ARHGAP44: variants seen among roughly 807,000 people sequenced by gnomAD.
ARHGAP44 encodes the protein Rho GTPase activating protein 44, also known as rho GTPase-activating protein 44.
ARHGAP44 carries 43 observed loss-of-function variants against 106.8 expected under a neutral mutation model. The ratio of observed to expected loss-of-function variants is 0.40; its 90% CI spans 0.32 to 0.52. The LOEUF (loss-of-function observed/expected upper bound fraction) is 0.52. ARHGAP44 is among the 20% of genes least tolerant of loss of function. ARHGAP44 has a pLI of 0.48. For synonymous variants in ARHGAP44, 439 were observed against 410.3 expected (o/e 1.07, Z -0.85); for missense variants, 866 against 1,050.5 (o/e 0.82, Z 2.43).
chr17:12,819,083 C>T (rs1330171233), intron 1 of ARHGAP44, among the ~76,000 whole-genome samples: 1 of 152,044 alleles, frequency 6.6e-6, no homozygotes, highest in Non-Finnish European at 1.5e-5. Flanking sequence ...TTAGATCCAA[C>T]TCAGCAGACT....
chr17:12,871,221 CA>C (rs1288331037), intron 1 of ARHGAP44, among the ~76,000 whole-genome samples: 2 of 152,144 alleles, frequency 1.3e-5, no homozygotes, highest in Non-Finnish European at 2.9e-5. Flanking sequence ...GTGTCCCCAT[CA>C]ACTCTCACGT....
chr17:12,979,978 C>G, intron 18 of ARHGAP44, 80 bp from the exon 19 acceptor site: 1 of 1,422,620 alleles, frequency 7.0e-7, no homozygotes, highest in South Asian at 1.4e-5. Context: ...GAAGGACACA[C>G]AGGGTGGCCA....
chr17:12,951,314 T>C (rs2038987214), intron 12 of ARHGAP44, among the ~76,000 whole-genome samples: 1 of 152,182 alleles, frequency 6.6e-6, no homozygotes, highest in Non-Finnish European at 1.5e-5. Flanking sequence ...ATTGAACAGG[T>C]ATGTAACTAC....
chr17:12,817,829 G>A (rs1424084467), intron 1 of ARHGAP44, among the ~76,000 whole-genome samples: 2 of 152,018 alleles, frequency 1.3e-5, no homozygotes, highest in South Asian at 2.1e-4. Flanking sequence ...AAGAAATAAT[G>A]TATCTTGAAA....
intron 1 of ARHGAP44, among the ~76,000 whole-genome samples, chr17:12,831,295 G>T (rs1301499708): frequency 6.6e-6 from 1 of 152,176 alleles, no homozygotes; most frequent in African/African-American, 2.4e-5. Context: ...CTGTTCACCT[G>T]TGCTGTGCTT....
chr17:12,881,138 T>G (rs1261537536), intron 1 of ARHGAP44, among the ~76,000 whole-genome samples: 2 of 152,048 alleles, frequency 1.3e-5, no homozygotes, highest in African/African-American at 4.8e-5. Context: ...GTCTTTCTTT[T>G]TATTGTTTTT....
rs755400921 is a variant in ARHGAP44 at position 12,861,653 on chromosome 17, T to TTTTTTTTTTTTTA, written c.54-33282_54-33281insTTTTTTTATTTTT. ...TCTGCCTCCTCTTCCACTTTTTTTT[T>TTTTTTTTTTTTTA]TTTTTGAGATGGAATCTTGCTCAGT... On this transcript the variant is annotated intron_variant, in intron 1 of 20. Transcript: ENST00000379672. 5.1e-5 allele frequency among the ~76,000 whole-genome samples: 3 copies of TTTTTTTTTTTTTA among 59,146 alleles called. No homozygotes were observed. In the South Asian group the frequency reaches 1.7e-3, roughly 33 times the overall value. 38.8% of individuals were successfully genotyped at this position (59,146 alleles called of 152,430 possible).
intron 1 of ARHGAP44, among the ~76,000 whole-genome samples, chr17:12,863,628 A>G (rs545701307): frequency 6.6e-6 from 1 of 152,292 alleles, no homozygotes; most frequent in African/African-American, 2.4e-5. Context: ...CAATATGAAA[A>G]TTCTGCATCC....
chr17:12,969,416 T>C (rs1436202453), intron 16 of ARHGAP44, among the ~76,000 whole-genome samples: 1 of 152,208 alleles, frequency 6.6e-6, no homozygotes, highest in Non-Finnish European at 1.5e-5. Flanking sequence ...CACAGTTTCA[T>C]TGGCTCCTTA....
rs1188448237 is a variant in ARHGAP44, at chr17:12,958,658, GC to G, written c.1343-56del. The G allele has an allele frequency of 1.9e-5, 29 of 1,547,642 alleles. No individual in the cohort carries two copies. Among genetic ancestry groups the G allele is most frequent in the African/African-American group, 2.7e-5 (2 of 73,838 alleles). On this transcript the variant is annotated intron_variant, in intron 15 of 20. Transcript: ENST00000379672. The surrounding 1 kb of genome is among the most constrained non-coding windows in gnomAD (Gnocchi z 4.1). ...GGGTGTCTGGACTCATTCCTCCCCT[GC>G]CCAGGAAGGGTGTGGCAGACCAAGA...
At chr17:12,936,886 A>G (rs780802276) in intron 7 of ARHGAP44, among the ~76,000 whole-genome samples, 3 of 152,224 alleles carry the variant, frequency 2.0e-5, no homozygotes, top group South Asian at 2.1e-4. Context: ...GGCCATTTCA[A>G]TTAAGGTTCT....
chr17:12,861,677 G>A (rs866563392), intron 1 of ARHGAP44, among the ~76,000 whole-genome samples: 1,575 of 3,530 alleles, frequency 0.45, 76 homozygotes, highest in African/African-American at 0.52. Flanking sequence ...ATCTTGCTCA[G>A]TCGCTGGAGT....
At chr17:12,826,230 C>T (rs1441000642) in intron 1 of ARHGAP44, among the ~76,000 whole-genome samples, 1 of 152,104 alleles carries the variant, frequency 6.6e-6, no homozygotes, top group Non-Finnish European at 1.5e-5. Flanking sequence ...TCCATCCTCC[C>T]ACCCTTCACT....
chr17:12,984,834 T>C lies in ARHGAP44; in HGVS notation c.2243T>C (p.Leu748Pro), dbSNP rs1390848105. 1 of 1,613,850 alleles carries C rather than the reference T, an allele frequency of 6.2e-7. No homozygotes were observed. The highest frequency in any genetic ancestry group is 1.1e-5 in the South Asian group (1 of 91,068). Residue 748 changes from leucine (L) to proline (P), a missense_variant, in exon 20 of 21, where the codon CTC (leucine) becomes CCC (proline). By Grantham distance (98) the Leu-to-Pro change is moderately conservative. This residue lies in a region of ARHGAP44 where 418 missense variants were observed against 403.6 expected (regional missense o/e 1.04). Transcript: ENST00000379672. Reference sequence around the variant, plus strand: ...CCTCCTCAGCCTCCCACAGTAAACCTCTCGGCCTCTAGTCCACAGTCCACG... The same window carrying C: ...CCTCCTCAGCCTCCCACAGTAAACCCCTCGGCCTCTAGTCCACAGTCCACG... The part of the protein sequence containing the change: ...LPPPQPPTVN[L>P]SASSPQSTEA...
intron 1 of ARHGAP44, among the ~76,000 whole-genome samples, chr17:12,842,940 A>T (rs753246684): frequency 2.0e-5 from 3 of 152,176 alleles, no homozygotes; most frequent in Non-Finnish European, 4.4e-5. Flanking sequence ...CTCTAGGTGC[A>T]GAAGGTCAGT....
chr17:12,913,182 A>C (rs1034417052), intron 4 of ARHGAP44, among the ~76,000 whole-genome samples: 2 of 152,204 alleles, frequency 1.3e-5, no homozygotes, highest in African/African-American at 2.4e-5. Flanking sequence ...CAGAAGAAAA[A>C]AATTAGCACA....
At chr17:12,920,219 C>A (rs919937436) in intron 6 of ARHGAP44, among the ~76,000 whole-genome samples, 9 of 151,194 alleles carry the variant, frequency 6.0e-5, no homozygotes, top group African/African-American at 2.0e-4. Flanking sequence ...ACTAAAAATA[C>A]AAAAAAATTA....
At chr17:12,884,492 ATAT>A (rs2036828287) in intron 1 of ARHGAP44, among the ~76,000 whole-genome samples, 1 of 152,196 alleles carries the variant, frequency 6.6e-6, no homozygotes, top group East Asian at 1.9e-4. Context: ...GATTCACATG[ATAT>A]TGTTGTCTTG....
chr17:12,986,284 CTG>C (rs2039954623), intron 20 of ARHGAP44: 1 of 152,106 alleles, frequency 6.6e-6, no homozygotes, highest in Non-Finnish European at 1.5e-5. Context: ...GAGGTGTCTC[CTG>C]AAGGAGCCCA....
Sources: allele counts gnomAD v4.1 joint callset (sites outside exome capture counted in the v4.1 genomes callset), GRCh38; gene constraint gnomAD v4.1.1; regional missense constraint gnomAD v4.1.1; non-coding constraint Gnocchi (gnomAD v3.1); transcripts MANE v1.5; gene names NCBI Gene and HGNC (gene_info 2026-07-23, HGNC 2026-07-21).